SEMA6D: variants seen among roughly 807,000 people sequenced by gnomAD.
SEMA6D encodes semaphorin 6D.
In SEMA6D, 35 loss-of-function variants were observed where a neutral mutation model predicts 106.6. The observed-to-expected ratio is 0.33, with a 90% CI of 0.25 to 0.44. The LOEUF is 0.44. Ranked by LOEUF, SEMA6D falls within the 20% of genes least tolerant of loss-of-function variation. SEMA6D has a pLI of 1.00. For missense variants in SEMA6D, 1,185 were observed against 1,345.9 expected (o/e 0.88, Z 1.87); for synonymous variants, 499 against 487.7 (o/e 1.02, Z -0.31).
At chr15:47,201,584 G>C (rs1894726996) in intron 1 of SEMA6D, among the ~76,000 whole-genome samples, 1 of 152,072 alleles carries the variant, frequency 6.6e-6, no homozygotes, top group African/African-American at 2.4e-5. Flanking sequence ...ACAGAGTAGG[G>C]ACAGGGCTTG....
chr15:47,259,997 G>GTT (rs201793716), intron 1 of SEMA6D, among the ~76,000 whole-genome samples: 15 of 143,412 alleles, frequency 1.0e-4, no homozygotes, highest in East Asian at 8.3e-4. Flanking sequence ...CATTTAGCAT[G>GTT]TTTTTTTTTT....
chr15:47,754,562 AT>A (rs1162564878), intron 1 of SEMA6D, among the ~76,000 whole-genome samples: 4 of 152,026 alleles, frequency 2.6e-5, no homozygotes, highest in Middle Eastern at 3.2e-3. Flanking sequence ...AGTGTGTAAT[AT>A]TTTTTAAAAT....
rs3743281 is a variant in SEMA6D at position 47,764,761 on chromosome 15, C to T, written c.1221C>T (p.Ala407=). Residue 407 remains alanine, a synonymous_variant, in exon 12 of 19, where the codon GCC becomes GCT. Coordinates refer to ENST00000536845, the MANE Select transcript of SEMA6D (RefSeq NM_001358351.3). ...PLMDSAVPPI[A]DEPWFTKTRV... ...TGGACTCTGCCGTTCCACCCATTGC[C>T]GATGAGCCCTGGTTCACAAAGACTC... is the stretch of plus-strand genomic sequence containing the variant. 405,700 of 1,613,698 alleles carry T rather than the reference C, an allele frequency of 0.25. 53,344 individuals are homozygous for T. The highest frequency in any genetic ancestry group is 0.31 in the South Asian group (27,952 of 91,066).
intron 4 of SEMA6D, among the ~76,000 whole-genome samples, chr15:47,678,757 T>C (rs2078292689): frequency 6.6e-6 from 1 of 152,144 alleles, no homozygotes; most frequent in Non-Finnish European, 1.5e-5. Flanking sequence ...GTGAGGCACT[T>C]TATTTATAAT....
At chr15:47,563,910 A>G (rs986915517) in intron 3 of SEMA6D, among the ~76,000 whole-genome samples, 1 of 152,214 alleles carries the variant, frequency 6.6e-6, no homozygotes, top group Non-Finnish European at 1.5e-5. Context: ...CTGCCCTCAC[A>G]TCTTCCTTCC....
chr15:47,459,742 A>G (rs2042445726), intron 2 of SEMA6D, among the ~76,000 whole-genome samples: 2 of 152,106 alleles, frequency 1.3e-5, no homozygotes, highest in Non-Finnish European at 2.9e-5. Context: ...ACTTAAACCA[A>G]TATTAAATTC....
chr15:47,717,949 C>A (rs192458166), intron 1 of SEMA6D, among the ~76,000 whole-genome samples: 1 of 151,552 alleles, frequency 6.6e-6, no homozygotes, highest in Non-Finnish European at 1.5e-5. Context: ...GCGCAAAGGG[C>A]TAGAGAGGTT....
rs377558662 is a variant in SEMA6D at position 47,568,868 on chromosome 15, GTTA to G, written c.-86-31990_-86-31988del. Among the ~76,000 whole-genome samples, 341 of 152,130 alleles carry G rather than the reference GTTA, an allele frequency of 2.2e-3. 1 individual carries two copies. The highest frequency in any genetic ancestry group is 0.017 in the Middle Eastern group (5 of 292). On this transcript the variant is annotated intron_variant, in intron 3 of 19. Transcript: ENST00000558014. Reference sequence around the variant, plus strand: ...TGCTTTTTAAACTATAGAGCAGTATGTTATTATTACGAATAATATTATTAATAT... The same window carrying G: ...TGCTTTTTAAACTATAGAGCAGTATGTTATTACGAATAATATTATTAATAT...
intron 3 of SEMA6D, among the ~76,000 whole-genome samples, chr15:47,577,799 G>A (rs537273340): frequency 6.6e-6 from 1 of 152,326 alleles, no homozygotes; most frequent in African/African-American, 2.4e-5. Flanking sequence ...GCCTCAGCAA[G>A]GACAAAGCGT....
At chr15:47,632,492 A>G (rs1297113082) in intron 4 of SEMA6D, among the ~76,000 whole-genome samples, 1 of 148,922 alleles carries the variant, frequency 6.7e-6, no homozygotes, top group Non-Finnish European at 1.5e-5. Flanking sequence ...GTACACATTT[A>G]TAATCATTAT....
chr15:47,387,424 G>T (rs2039878266), intron 1 of SEMA6D, among the ~76,000 whole-genome samples: 1 of 152,164 alleles, frequency 6.6e-6, no homozygotes, highest in Admixed American at 6.5e-5. Flanking sequence ...CTAGTTTTGT[G>T]ACCTTGTATT....
At chr15:47,637,587 A>C (rs2077412832) in intron 4 of SEMA6D, among the ~76,000 whole-genome samples, 1 of 152,190 alleles carries the variant, frequency 6.6e-6, no homozygotes, top group South Asian at 2.1e-4. Flanking sequence ...TTCAATGAGA[A>C]TGATTTTCAT....
chr15:47,534,055 T>C (rs2045070033), intron 3 of SEMA6D, among the ~76,000 whole-genome samples: 1 of 152,186 alleles, frequency 6.6e-6, no homozygotes, highest in Non-Finnish European at 1.5e-5. Context: ...CCCAGAGTTA[T>C]ATAATGCTTT....
intron 3 of SEMA6D, among the ~76,000 whole-genome samples, 178 bp from the exon 4 acceptor site, chr15:47,760,800 G>T (rs1169695906): frequency 6.6e-6 from 1 of 152,172 alleles, no homozygotes; most frequent in East Asian, 1.9e-4. Flanking sequence ...TCTGACTACA[G>T]TGATATATAA....
intron 1 of SEMA6D, among the ~76,000 whole-genome samples, chr15:47,374,757 T>C (rs2039393196): frequency 6.6e-6 from 1 of 152,192 alleles, no homozygotes; most frequent in South Asian, 2.1e-4. Context: ...GTCTCCATTT[T>C]AGGGCTAGAT....
chr15:47,659,741 G>A (rs2077878660), intron 4 of SEMA6D, among the ~76,000 whole-genome samples: 2 of 152,120 alleles, frequency 1.3e-5, no homozygotes, highest in Admixed American at 1.3e-4. Flanking sequence ...AAGGACTAAG[G>A]TCATGAATAC....
At chr15:47,699,325 A>G (rs2078763104) in intron 4 of SEMA6D, among the ~76,000 whole-genome samples, 1 of 152,072 alleles carries the variant, frequency 6.6e-6, no homozygotes, top group Non-Finnish European at 1.5e-5. Context: ...TGCCCTTGCT[A>G]TTTTGTCTTT....
chr15:47,734,145 T>G (rs774515932), intron 1 of SEMA6D, among the ~76,000 whole-genome samples: 6 of 152,238 alleles, frequency 3.9e-5, no homozygotes, highest in Non-Finnish European at 7.3e-5. Context: ...ATAGTAACTT[T>G]CTGGATTAGC....
chr15:47,508,960 G>A (rs2044138848), intron 3 of SEMA6D, among the ~76,000 whole-genome samples: 1 of 151,978 alleles, frequency 6.6e-6, no homozygotes, highest in African/African-American at 2.4e-5. Flanking sequence ...TTTTTGCGGG[G>A]GGAGACAGAA....
Sources: gnomAD v4.1 joint callset for allele counts (sites outside exome capture counted in the v4.1 genomes callset) on GRCh38, gnomAD v4.1.1 for gene constraint, MANE v1.5 for transcripts, NCBI Gene and HGNC (gene_info 2026-07-23, HGNC 2026-07-21) for gene names.